The following GCC2 variants were observed in gnomAD, a reference collection of about 807,000 sequenced individuals.
The protein encoded by GCC2 is GRIP and coiled-coil domain containing 2.
A neutral mutation model predicts 210.6 loss-of-function variants in GCC2; 120 were observed. The ratio of observed to expected loss-of-function variants is 0.57; its 90% CI spans 0.49 to 0.66. The LOEUF (loss-of-function observed/expected upper bound fraction) is 0.66, where lower values mean the gene tolerates loss of function less well. Ranked by LOEUF, GCC2 falls within the 30% of genes least tolerant of loss-of-function variation. GCC2 has a pLI of 0.00. For missense variants in GCC2, 1,868 were observed against 1,871.9 expected, an observed-to-expected ratio of 1.00 and a Z score of 0.04; for synonymous variants, 703 against 652.7, an observed-to-expected ratio of 1.08 and a Z score of -1.17.
chr2:108,485,280 C>T (rs1682076697), intron 13 of GCC2, among the ~76,000 whole-genome samples: 1 of 150,732 alleles, frequency 6.6e-6, no homozygotes, highest in African/African-American at 2.4e-5. Flanking sequence ...ATGTAACTAA[C>T]CTGCACAATG....
intron 13 of GCC2, among the ~76,000 whole-genome samples, chr2:108,485,176 TG>T (rs1192621962): frequency 4.1e-5 from 3 of 73,294 alleles, no homozygotes; most frequent in East Asian, 7.6e-4. Context: ...TGTGGTGGGG[TG>T]GGGGGAGTGG....
At chr2:108,457,731 T>G (rs1327437200) in intron 4 of GCC2, among the ~76,000 whole-genome samples, 1 of 152,206 alleles carries the variant, frequency 6.6e-6, no homozygotes, top group Non-Finnish European at 1.5e-5. Flanking sequence ...AGGTGTTGCC[T>G]TCTTGATTTC....
At chr2:108,495,221 G>C (rs1330455025) in intron 19 of GCC2, 70 bp from the exon 20 acceptor site, 3 of 850,066 alleles carry the variant, frequency 3.5e-6, no homozygotes, top group Non-Finnish European at 5.4e-6. Flanking sequence ...ATTTTATTGT[G>C]TATCTCTGTA....
chr2:108,471,469 C>G lies in GCC2; in HGVS notation c.2140C>G (p.Gln714Glu). 1 of 1,608,530 alleles carries G rather than the reference C, an allele frequency of 6.2e-7. No homozygotes were observed. Among genetic ancestry groups the G allele is most frequent in the South Asian group, 1.1e-5 (1 of 89,604 alleles). Reference protein sequence around the residue: ...LSRDLEVFLSQKEDVILKEHI... With the variant: ...LSRDLEVFLSEKEDVILKEHI... ...TAGGGATTTGGAGGTTTTTTTGTCT[C>G]AAAAAGAAGATGTTATCCTTAAAGA... is the stretch of plus-strand genomic sequence containing the variant. Residue 714 changes from glutamine (Q) to glutamate (E), a missense_variant, in exon 6 of 23, where the codon CAA (glutamine) becomes GAA (glutamate). Transcript: ENST00000309863.
chr2:108,507,228 C>CA lies in GCC2; in HGVS notation c.4985-324dup, dbSNP rs67425866. Among the ~76,000 whole-genome samples, 436 of 151,072 alleles carry CA rather than the reference C, an allele frequency of 2.9e-3. 1 individual carries two copies. Among genetic ancestry groups the CA allele is most frequent in the Middle Eastern group, 0.01 (3 of 294 alleles). ...GAAAACAGTGAGACCCGCATCTCCA[C>CA]AAAAAAAACAAAAAATTACCCAGGC... On this transcript the variant is annotated intron_variant, in intron 22 of 22. Coordinates refer to ENST00000309863, the MANE Select transcript of GCC2 (RefSeq NM_181453.4).
At chr2:108,453,785 TAA>T (rs200197742) in intron 4 of GCC2, among the ~76,000 whole-genome samples, 9,912 of 141,780 alleles carry the variant, frequency 0.07, 431 homozygotes, top group Non-Finnish European at 0.081. Flanking sequence ...ACTCCGTTTT[TAA>T]AAAAAAAAAA....
At chr2:108,480,536 T>G (rs1047094796) in intron 9 of GCC2, among the ~76,000 whole-genome samples, 11 of 152,108 alleles carry the variant, frequency 7.2e-5, no homozygotes, top group Non-Finnish European at 7.4e-5. Flanking sequence ...TAAAGAAAAT[T>G]GGTATATATA....
Position 108,496,974 on chromosome 2 carries a change from T to C in GCC2, c.4647T>C (p.Pro1549=). The C allele has an allele frequency of 1.2e-6, 2 of 1,611,996 alleles. No individual in the cohort carries two copies. Among genetic ancestry groups the C allele is most frequent in the Non-Finnish European group, 1.7e-6 (2 of 1,179,866 alleles). ...TCTTGGAACAACATGTTGCAGAGCC[T>C]CCATTATGGCATGCTGAATTTACCA... The part of the protein sequence containing the change: ...LLNSPETKLE[P]PLWHAEFTKE... The change falls in exon 21 of 23, where the codon CCT becomes CCC. Residue 1549 remains proline, a synonymous_variant. Transcript: ENST00000309863.
intron 3 of GCC2, among the ~76,000 whole-genome samples, chr2:108,451,655 T>C (rs1309013795): frequency 1.3e-5 from 2 of 152,154 alleles, no homozygotes; most frequent in African/African-American, 2.4e-5. Flanking sequence ...CAGTGACTTA[T>C]AAATATTAAC....
intron 1 of GCC2, 39 bp downstream of exon 1, chr2:108,449,319 C>T (rs532747944): frequency 1.7e-4 from 262 of 1,542,610 alleles, no homozygotes; most frequent in Non-Finnish European, 2.2e-4. Flanking sequence ...ATCAAGCCTT[C>T]CGCGCCGCGA....
chr2:108,486,354 C>G (rs1682138926), intron 15 of GCC2, 157 bp from the exon 16 acceptor site: 5 of 721,976 alleles, frequency 6.9e-6, no homozygotes, highest in Non-Finnish European at 1.2e-5. Context: ...TTCTACTTGT[C>G]TCTGCTTTTT....
intron 4 of GCC2, among the ~76,000 whole-genome samples, chr2:108,454,331 T>C (rs532468823): frequency 1.3e-4 from 20 of 152,344 alleles, no homozygotes; most frequent in African/African-American, 4.3e-4. Flanking sequence ...GGCTCCCCAC[T>C]TGTGAGCAGT....
Position 108,451,114 on chromosome 2 carries a change from T to C in GCC2, c.148+2T>C. 6.3e-7 allele frequency: 1 copy of C among 1,579,766 alleles called. No individual in the cohort carries two copies. Among genetic ancestry groups the C allele is most frequent in the Non-Finnish European group, 8.7e-7 (1 of 1,150,678 alleles). ...AGAAAGCTAAATCAAGGTGTACAGG[T>C]ATTGGGTTGAAAATACTCATCTTGA... On this transcript the variant is annotated splice_donor_variant, in intron 3 of 22. Coordinates refer to ENST00000309863, the MANE Select transcript of GCC2 (RefSeq NM_181453.4). LOFTEE classifies it high-confidence loss of function.
At chr2:108,462,919 G>GA (rs1402228175) in intron 4 of GCC2, among the ~76,000 whole-genome samples, 3 of 150,002 alleles carry the variant, frequency 2.0e-5, no homozygotes, top group Non-Finnish European at 4.4e-5. Context: ...GACTATATCA[G>GA]AAAAAAAAGA....
intron 9 of GCC2, among the ~76,000 whole-genome samples, chr2:108,476,054 C>CCTTTTT (rs1558744710): frequency 1.0e-5 from 1 of 96,328 alleles, no homozygotes; most frequent in African/African-American, 3.8e-5. Context: ...TAGTGGCTTG[C>CCTTTTT]TTTTTTTTTT....
intron 4 of GCC2, among the ~76,000 whole-genome samples, chr2:108,464,379 A>G (rs777426374): frequency 5.9e-5 from 9 of 152,128 alleles, no homozygotes; most frequent in Non-Finnish European, 1.2e-4. Context: ...GCAAGACATA[A>G]TCCAGTGGAG....
At chr2:108,482,233 T>A (rs1681896907) in intron 10 of GCC2, 54 bp from the exon 11 acceptor site, 5 of 1,025,548 alleles carry the variant, frequency 4.9e-6, no homozygotes, top group Non-Finnish European at 7.3e-6. Flanking sequence ...TCATTCTTCC[T>A]CTGCTGTATA....
At position 108,483,304 on chromosome 2, in the gene GCC2, AC is replaced by A. The variant is rs775132097; in HGVS notation, c.3450+140del. 5.3e-4 allele frequency: 285 copies of A among 538,222 alleles called. 2 individuals are homozygous for A. Among genetic ancestry groups the A allele is most frequent in the Non-Finnish European group, 8.0e-4 (240 of 299,238 alleles). The allele number at this position is 538,222 out of a possible 1,614,324, so 33.3% of individuals were successfully genotyped here. On this transcript the variant is annotated intron_variant, in intron 12 of 22. Coordinates refer to ENST00000309863, the MANE Select transcript of GCC2 (RefSeq NM_181453.4). ...AGTGGCATGATCTCGGCTCACTGCA[AC>A]CTCCGCCTCCCGAGTTCAAGCAGTT...
At chr2:108,464,130 T>A (rs1271752222) in intron 4 of GCC2, among the ~76,000 whole-genome samples, 1 of 152,048 alleles carries the variant, frequency 6.6e-6, no homozygotes, top group African/African-American at 2.4e-5. Flanking sequence ...AGCAGAATGT[T>A]CAGGTGGAGA....
Sources: gnomAD v4.1 joint callset for allele counts (sites outside exome capture counted in the v4.1 genomes callset) on GRCh38, gnomAD v4.1.1 for gene constraint, MANE v1.5 for transcripts, NCBI Gene and HGNC (gene_info 2026-07-23, HGNC 2026-07-21) for gene names.